MGAT4C: variants seen among roughly 807,000 people sequenced by gnomAD.
The protein encoded by MGAT4C is alpha-1,3-mannosyl-glycoprotein 4-beta-N-acetylglucosaminyltransferase C.
Under a neutral mutation model 40.1 loss-of-function variants are expected in MGAT4C, and 19 were observed. The observed-to-expected ratio is 0.47, with a 90% CI of 0.33 to 0.70. The LOEUF is 0.70. MGAT4C is among the 30% of genes least tolerant of loss of function. The probability of loss-of-function intolerance (pLI) is 0.02; values close to 1 mark genes in which losing one functional copy is unlikely to be tolerated. For missense variants in MGAT4C, 491 were observed against 563.2 expected (o/e 0.87, Z 1.30); for synonymous variants, 181 against 187.1 (o/e 0.97, Z 0.27).
intron 2 of MGAT4C, among the ~76,000 whole-genome samples, chr12:86,469,614 G>T (rs564397529): frequency 2.0e-5 from 3 of 151,376 alleles, no homozygotes; most frequent in African/African-American, 7.3e-5. Flanking sequence ...AGTAATTGCG[G>T]TTTTTTTTTC....
At chr12:86,745,322 T>A (rs1411064400) in intron 1 of MGAT4C, among the ~76,000 whole-genome samples, 2 of 151,652 alleles carry the variant, frequency 1.3e-5, no homozygotes, top group African/African-American at 4.8e-5. Context: ...GGAGTTCGCA[T>A]CTGGAGAATG....
intron 3 of MGAT4C, among the ~76,000 whole-genome samples, chr12:86,421,025 T>G (rs1956817204): frequency 6.6e-6 from 1 of 152,030 alleles, no homozygotes; most frequent in Admixed American, 6.6e-5. Context: ...AAACTCCTTT[T>G]ATAGTAATAA....
chr12:86,372,523 T>C (rs1955737638), intron 3 of MGAT4C, among the ~76,000 whole-genome samples: 1 of 151,954 alleles, frequency 6.6e-6, no homozygotes, highest in African/African-American at 2.4e-5. Flanking sequence ...TGATGAATTA[T>C]GCAGTTCATC....
At chr12:86,257,974 C>T (rs1376551346), upstream of MGAT4C, among the ~76,000 whole-genome samples, 1 of 150,304 alleles carries the variant, frequency 6.7e-6, no homozygotes, top group Non-Finnish European at 1.5e-5. Flanking sequence ...TGAGACAATG[C>T]ATAGAAGCTT....
intron 2 of MGAT4C, among the ~76,000 whole-genome samples, chr12:86,610,854 C>T (rs1469373555): frequency 6.6e-6 from 1 of 151,564 alleles, no homozygotes; most frequent in African/African-American, 2.4e-5. Flanking sequence ...ACCTTCAGAC[C>T]ACAATGCAGG....
chr12:86,795,070 G>A (rs973482343), intron 1 of MGAT4C, among the ~76,000 whole-genome samples: 1 of 151,746 alleles, frequency 6.6e-6, no homozygotes, highest in Non-Finnish European at 1.5e-5. Context: ...ATAATAATTT[G>A]CATGTTTAAC....
chr12:86,511,096 G>A (rs1958574071), intron 2 of MGAT4C, among the ~76,000 whole-genome samples: 1 of 151,844 alleles, frequency 6.6e-6, no homozygotes, highest in Non-Finnish European at 1.5e-5. Context: ...TGGAAGTAAA[G>A]CTCTCCTCAG....
chr12:86,537,846 G>T (rs554771515), intron 2 of MGAT4C, among the ~76,000 whole-genome samples: 104 of 152,244 alleles, frequency 6.8e-4, no homozygotes, highest in Non-Finnish European at 7.4e-5. Context: ...CAACACTTTG[G>T]GAGGCCAAGG....
At chr12:86,606,790 C>T (rs1407209300) in intron 2 of MGAT4C, among the ~76,000 whole-genome samples, 1 of 151,974 alleles carries the variant, frequency 6.6e-6, no homozygotes, top group Non-Finnish European at 1.5e-5. Context: ...ATATTTCATC[C>T]CTAAATCTCT....
At chr12:86,640,175 T>C (rs1026074222) in intron 2 of MGAT4C, among the ~76,000 whole-genome samples, 1 of 151,728 alleles carries the variant, frequency 6.6e-6, no homozygotes, top group African/African-American at 2.4e-5. Flanking sequence ...CAAGTTAGCA[T>C]ATTAATTAAA....
chr12:86,684,809 T>TA (rs1395129648), intron 2 of MGAT4C, among the ~76,000 whole-genome samples: 8 of 152,092 alleles, frequency 5.3e-5, no homozygotes, highest in African/African-American at 9.7e-5. Flanking sequence ...TTTTTTCATA[T>TA]GTTTGTTGGC....
At chr12:86,642,239 C>A (rs1246812568) in intron 2 of MGAT4C, among the ~76,000 whole-genome samples, 4 of 151,754 alleles carry the variant, frequency 2.6e-5, no homozygotes, top group Non-Finnish European at 5.9e-5. Context: ...TAAATAATAT[C>A]TTGGAAGTTT....
intron 2 of MGAT4C, among the ~76,000 whole-genome samples, chr12:86,461,683 T>C (rs1290392803): frequency 6.6e-6 from 1 of 152,144 alleles, no homozygotes; most frequent in Non-Finnish European, 1.5e-5. Context: ...AGAATTCTAA[T>C]AGAGACAAAA....
chr12:86,396,415 C>T (rs1371939815), intron 3 of MGAT4C, among the ~76,000 whole-genome samples: 30 of 152,134 alleles, frequency 2.0e-4, no homozygotes. Flanking sequence ...TTATCGAGCT[C>T]TACACATCTT....
chr12:86,285,349 T>C (rs1953327230), intron 4 of MGAT4C, among the ~76,000 whole-genome samples: 1 of 152,066 alleles, frequency 6.6e-6, no homozygotes. Context: ...ATGTTGACTA[T>C]TGTGTTCACC....
At chr12:86,703,486 C>T (rs888917364) in intron 2 of MGAT4C, among the ~76,000 whole-genome samples, 1 of 152,142 alleles carries the variant, frequency 6.6e-6, no homozygotes, top group African/African-American at 2.4e-5. Context: ...CAGACATCAA[C>T]ATTGAGGCAA....
chr12:86,836,184 T>C (rs1383123107), intron 1 of MGAT4C, among the ~76,000 whole-genome samples: 2 of 152,032 alleles, frequency 1.3e-5, no homozygotes, highest in Non-Finnish European at 2.9e-5. Context: ...CACTTTGACA[T>C]GTGAAATATA....
At chr12:86,434,183 A>G (rs999212889) in intron 3 of MGAT4C, among the ~76,000 whole-genome samples, 3 of 151,988 alleles carry the variant, frequency 2.0e-5, no homozygotes, top group African/African-American at 7.2e-5. Flanking sequence ...TGAATCATAC[A>G]AGTTTATTTA....
chr12:86,397,410 C>T (rs1956281417), intron 3 of MGAT4C, among the ~76,000 whole-genome samples: 1 of 152,062 alleles, frequency 6.6e-6, no homozygotes, highest in Non-Finnish European at 1.5e-5. Context: ...TTGATCTTTA[C>T]TGGTTTCTCT....
Sources: allele counts gnomAD v4.1 joint callset (sites outside exome capture counted in the v4.1 genomes callset), GRCh38; gene constraint gnomAD v4.1.1; transcripts MANE v1.5; gene names NCBI Gene and HGNC (gene_info 2026-07-23, HGNC 2026-07-21).